Variants in TCF12 observed in about 807,000 individuals in gnomAD.
TCF12 encodes the protein DNA-binding protein HTF4.
Under a neutral mutation model 86.0 loss-of-function variants are expected in TCF12, and 45 were observed. That is an observed-to-expected ratio of 0.52 (90% CI 0.41 to 0.67). The LOEUF (loss-of-function observed/expected upper bound fraction) is 0.67. TCF12 is among the 30% of genes least tolerant of loss of function. The pLI is 0.00. For synonymous variants in TCF12, 330 were observed against 299.6 expected (o/e 1.10, Z -1.05); for missense variants, 881 against 859.9 (o/e 1.02, Z -0.31).
intron 5 of TCF12, chr15:57,118,498 A>G (rs1290646767): frequency 6.6e-6 from 1 of 152,042 alleles, no homozygotes; most frequent in Non-Finnish European, 1.5e-5. Flanking sequence ...CATCTTACCA[A>G]TTTGATTAAG....
In TCF12 at chr15:57,075,804, T is replaced by TTCTTTCTTTCTCTCCCTCTCTCTCTC. The variant is rs1461514777; in HGVS notation, c.222+11984_222+11985insTTCTTTCTCTCCCTCTCTCTCTCTCT. On this transcript the variant is annotated intron_variant, in intron 4 of 20. Transcript: ENST00000333725. The stretch of plus-strand genomic sequence containing the variant: ...TTTCTTTCTTTCTTTCTTTCTTTCT[T>TTCTTTCTTTCTCTCCCTCTCTCTCTC]TCTCTCTCTCTCTCTCTCTCTCTCT... Among the ~76,000 whole-genome samples, 2 of 28,590 alleles carry TTCTTTCTTTCTCTCCCTCTCTCTCTC rather than the reference T, an allele frequency of 7.0e-5. 1 individual carries two copies. The highest frequency in any genetic ancestry group is 1.3e-4 in the Non-Finnish European group (2 of 15,568). The allele number at this position is 28,590 out of a possible 152,430, so 18.8% of individuals were successfully genotyped here. A position where few individuals can be genotyped will look rare whatever the true frequency, so the allele number is the denominator to read the frequency against.
intron 5 of TCF12, among the ~76,000 whole-genome samples, chr15:57,124,464 A>T (rs575982218): frequency 3.1e-4 from 47 of 152,210 alleles, no homozygotes; most frequent in African/African-American, 1.1e-3. Context: ...GGCCAGCATG[A>T]TGGGGGCCTT....
chr15:56,919,712 C>A (rs1053795451), intron 1 of TCF12, 180 bp from the exon 2 acceptor site: 1 of 453,436 alleles, frequency 2.2e-6, no homozygotes, highest in African/African-American at 2.1e-5. Context: ...TTCCGGGACC[C>A]GGCGCGGGCA....
chr15:57,243,450 A>T, intron 12 of TCF12, 22 bp from the exon 13 acceptor site: 1 of 1,600,844 alleles, frequency 6.2e-7, no homozygotes, highest in Middle Eastern at 1.7e-4. Context: ...TGATACATGT[A>T]TATTTCTTGT....
intron 3 of TCF12, among the ~76,000 whole-genome samples, chr15:57,042,645 T>C (rs1238590130): frequency 2.6e-5 from 4 of 152,084 alleles, no homozygotes; most frequent in African/African-American, 9.7e-5. Context: ...AAGTCTTGGC[T>C]TCAAGTGACC....
At chr15:57,075,591 A>G (rs1158254059) in intron 4 of TCF12, among the ~76,000 whole-genome samples, 2 of 152,110 alleles carry the variant, frequency 1.3e-5, no homozygotes, top group African/African-American at 4.8e-5. Context: ...AAGTCCAGAA[A>G]TAGAAGGAAT....
At chr15:57,103,448 C>G (rs1169890150) in intron 5 of TCF12, among the ~76,000 whole-genome samples, 5 of 152,168 alleles carry the variant, frequency 3.3e-5, no homozygotes, top group African/African-American at 1.2e-4. Context: ...GATGCAGTGG[C>G]ACCTGCTGTA....
At chr15:56,976,224 C>CTTTTT (rs35959497) in intron 3 of TCF12, among the ~76,000 whole-genome samples, 43 of 57,352 alleles carry the variant, frequency 7.5e-4, no homozygotes, top group East Asian at 2.4e-3. Context: ...AAGGAAGTTT[C>CTTTTT]TTTTTTTTTT....
chr15:57,087,782 ATTG>A lies in TCF12; in HGVS notation c.223-4004_223-4002del, dbSNP rs2048744989. Among the ~76,000 whole-genome samples, 4 of 152,106 alleles carry A rather than the reference ATTG, an allele frequency of 2.6e-5. No individual in the cohort carries two copies. In the South Asian group the frequency reaches 8.3e-4, roughly 31 times the overall value. On this transcript the variant is annotated intron_variant, in intron 4 of 20. Transcript: ENST00000333725. The stretch of plus-strand genomic sequence containing the variant: ...CCATTTTTATAAGATGGGAACAGTG[ATTG>A]TTTAGGTTGTATTTGGAAATATTTT...
intron 3 of TCF12, among the ~76,000 whole-genome samples, chr15:57,060,959 G>A (rs571724167): frequency 6.6e-6 from 1 of 152,242 alleles, no homozygotes; most frequent in East Asian, 1.9e-4. Flanking sequence ...TGCCAGCCAC[G>A]ACCTTTTACT....
At chr15:57,164,704 C>T (rs904406839) in intron 5 of TCF12, among the ~76,000 whole-genome samples, 2 of 151,860 alleles carry the variant, frequency 1.3e-5, no homozygotes, top group African/African-American at 2.4e-5. Context: ...TGTTTTGAGA[C>T]GAGTCTCACC....
At chr15:56,967,142 C>A (rs1280247253) in intron 3 of TCF12, among the ~76,000 whole-genome samples, 3 of 126,956 alleles carry the variant, frequency 2.4e-5, no homozygotes, top group African/African-American at 7.5e-5. Flanking sequence ...TCCCCTCCCC[C>A]ACCAAAAAAA....
At chr15:57,127,846 G>A (rs555487212) in intron 5 of TCF12, among the ~76,000 whole-genome samples, 12 of 152,210 alleles carry the variant, frequency 7.9e-5, no homozygotes, top group Admixed American at 2.0e-4. Context: ...ATTCTCGGGC[G>A]AGCCATCTAA....
In TCF12 at chr15:57,246,099, A is replaced by G. The variant is rs1395073984; in HGVS notation, c.1114+2549A>G. 5.3e-5 allele frequency among the ~76,000 whole-genome samples: 8 copies of G among 152,302 alleles called. 1 individual carries two copies. In the South Asian group the frequency reaches 6.2e-4, roughly 12 times the overall value. On this transcript the variant is annotated intron_variant, in intron 13 of 20. Coordinates refer to ENST00000333725, the MANE Select transcript of TCF12 (RefSeq NM_207037.2). ...ACATTATTTTGCATCTTGTGTGGCA[A>G]TGGCCTGTTATCTAGAGTAAAAAAA...
intron 3 of TCF12, among the ~76,000 whole-genome samples, chr15:56,997,024 G>A (rs1192546061): frequency 6.6e-6 from 1 of 152,234 alleles, no homozygotes. Context: ...CTATTGGTGG[G>A]AGTGTGTAAA....
chr15:56,922,302 G>C (rs1198545364), intron 3 of TCF12, among the ~76,000 whole-genome samples: 1 of 151,870 alleles, frequency 6.6e-6, no homozygotes, highest in African/African-American at 2.4e-5. Flanking sequence ...AATGAGTCTT[G>C]ATATTACTGT....
intron 6 of TCF12, among the ~76,000 whole-genome samples, chr15:57,170,712 A>T (rs59053837): frequency 0.029 from 427 of 14,810 alleles, 19 homozygotes; most frequent in African/African-American, 0.059. Flanking sequence ...TATAATATAT[A>T]ATATATATAT....
intron 3 of TCF12, among the ~76,000 whole-genome samples, chr15:56,961,993 G>C (rs1035643169): frequency 6.6e-6 from 1 of 151,900 alleles, no homozygotes. Flanking sequence ...TTAGCCGGGC[G>C]TGGTGGCGGG....
At chr15:57,076,774 A>C (rs1450040781) in intron 4 of TCF12, among the ~76,000 whole-genome samples, 1 of 152,222 alleles carries the variant, frequency 6.6e-6, no homozygotes, top group African/African-American at 2.4e-5. Flanking sequence ...TAAGTTAGGC[A>C]GTGTAAACAT....
Sources: gnomAD v4.1 joint callset for allele counts (sites outside exome capture counted in the v4.1 genomes callset) on GRCh38, gnomAD v4.1.1 for gene constraint, MANE v1.5 for transcripts, NCBI Gene and HGNC (gene_info 2026-07-23, HGNC 2026-07-21) for gene names.